Variants in ESRRB observed in about 807,000 individuals in gnomAD.
ESRRB encodes the protein estrogen related receptor beta.
Under a neutral mutation model 46.0 loss-of-function variants are expected in ESRRB, and 16 were observed. That is an observed-to-expected ratio of 0.35 (90% CI 0.24 to 0.53). The LOEUF (loss-of-function observed/expected upper bound fraction) is 0.53. Ranked by LOEUF, ESRRB falls within the 20% of genes least tolerant of loss-of-function variation. The probability of loss-of-function intolerance (pLI) is 0.93; values close to 1 mark genes in which losing one functional copy is unlikely to be tolerated. For missense variants in ESRRB, 488 were observed against 607.4 expected (o/e 0.80, Z 2.07); for synonymous variants, 246 against 259.6 (o/e 0.95, Z 0.50).
At chr14:76,415,899 CAG>C (rs1886677508) in intron 1 of ESRRB, among the ~76,000 whole-genome samples, 1 of 152,168 alleles carries the variant, frequency 6.6e-6, no homozygotes, top group East Asian at 1.9e-4. Context: ...ACCCAAAGCT[CAG>C]AGAGGATAAG....
At chr14:76,348,879 C>G (rs182134401) in intron 1 of ESRRB, among the ~76,000 whole-genome samples, 72 of 152,210 alleles carry the variant, frequency 4.7e-4, no homozygotes, top group East Asian at 1.2e-3. Flanking sequence ...CTTTCTCCCC[C>G]CAAGAACAGA....
At chr14:76,461,290 C>T (rs139888489) in intron 2 of ESRRB, among the ~76,000 whole-genome samples, 1,607 of 152,244 alleles carry the variant, frequency 0.011, 15 homozygotes, top group Non-Finnish European at 0.015. Context: ...TACTTATTTT[C>T]TCTTTCATGG....
chr14:76,390,970 T>C (rs1885444611), intron 1 of ESRRB, among the ~76,000 whole-genome samples: 2 of 152,220 alleles, frequency 1.3e-5, no homozygotes, highest in South Asian at 2.1e-4. Context: ...TGTGTGTGGC[T>C]GCAGCGGGGC....
chr14:76,334,151 G>T (rs548813894), intron 1 of ESRRB, among the ~76,000 whole-genome samples: 4 of 152,220 alleles, frequency 2.6e-5, no homozygotes, highest in African/African-American at 7.2e-5. Context: ...TCTGAAGGAC[G>T]AACAGTCCAG....
intron 1 of ESRRB, among the ~76,000 whole-genome samples, chr14:76,380,487 G>A (rs1219747159): frequency 6.6e-6 from 1 of 152,164 alleles, no homozygotes; most frequent in Non-Finnish European, 1.5e-5. Context: ...AAATTTAAGG[G>A]AAGAGATAGC....
chr14:76,498,231 G>C lies in ESRRB; in HGVS notation c.1138G>C (p.Asp380His), dbSNP rs765737772. 14 of 1,613,730 alleles carry C rather than the reference G, an allele frequency of 8.7e-6. No individual in the cohort carries two copies. Among genetic ancestry groups the C allele is most frequent in the Admixed American group, 6.7e-5 (4 of 60,004 alleles). ...GCCTGCAGATTCCATGTACATCGAG[G>C]ATCTAGAGGCTGTCCAGAAGCTGCA... ...LANSDSMYIE[D>H]LEAVQKLQDL... The change falls in exon 7 of 7, where the codon GAT becomes CAT. Residue 380 changes from aspartate to histidine, a missense_variant. Coordinates refer to ENST00000644823, the MANE Select transcript of ESRRB (RefSeq NM_001379180.1).
intron 1 of ESRRB, among the ~76,000 whole-genome samples, chr14:76,396,561 C>A (rs1269267589): frequency 2.0e-5 from 3 of 152,288 alleles, no homozygotes; most frequent in African/African-American, 2.4e-5. Flanking sequence ...ACTAATAAAC[C>A]TTTCTAAGAA....
At position 76,376,554 on chromosome 14, in the gene ESRRB, A is replaced by T; in HGVS notation, c.50+103A>T. ...CTGCACATTCTTGTGTAAAAGTGGAAGGGACTTCGGGGGGGCACTTGGGGG... is the reference window on the plus strand; with the variant it reads ...CTGCACATTCTTGTGTAAAAGTGGATGGGACTTCGGGGGGGCACTTGGGGG... On this transcript the variant is annotated intron_variant, in intron 1 of 6. Coordinates refer to ENST00000644823, the MANE Select transcript of ESRRB (RefSeq NM_001379180.1). The surrounding 1 kb of genome is among the most constrained non-coding windows in gnomAD (Gnocchi z 4.1). 4.6e-6 allele frequency: 4 copies of T among 862,614 alleles called. No individual in the cohort carries two copies. Among genetic ancestry groups the T allele is most frequent in the Non-Finnish European group, 6.1e-6 (4 of 655,128 alleles). 53.4% of individuals were successfully genotyped at this position (862,614 alleles called of 1,614,324 possible). A position where few individuals can be genotyped will look rare whatever the true frequency, so the allele number is the denominator to read the frequency against.
chr14:76,368,935 G>A (rs530120407), upstream of ESRRB, among the ~76,000 whole-genome samples: 28 of 152,194 alleles, frequency 1.8e-4, no homozygotes, highest in Non-Finnish European at 3.1e-4. Context: ...GGTGGCTCAC[G>A]CCTGTAATCC....
In ESRRB at chr14:76,482,149, C is replaced by A. The variant is rs1889832812; in HGVS notation, c.688+23C>A. 6.4e-7 allele frequency: 1 copy of A among 1,557,836 alleles called. No individual in the cohort carries two copies. The highest frequency in any genetic ancestry group is 8.9e-7 in the Non-Finnish European group (1 of 1,128,800). On this transcript the variant is annotated intron_variant, in intron 4 of 6. Coordinates refer to ENST00000644823, the MANE Select transcript of ESRRB (RefSeq NM_001379180.1). The surrounding 1 kb of genome is among the most constrained non-coding windows in gnomAD (Gnocchi z 4.3). ...CATGTGAGTGTCAGGGCAGTCCCTG[C>A]CCCTTTTGCCAGCATCTGTACCTGG...
chr14:76,370,438 C>T (rs776607068), upstream of ESRRB, among the ~76,000 whole-genome samples: 14 of 151,908 alleles, frequency 9.2e-5, no homozygotes, highest in Admixed American at 7.9e-4. Context: ...AGAAACTGAA[C>T]GATAATGTAA....
intron 1 of ESRRB, among the ~76,000 whole-genome samples, chr14:76,318,761 T>G (rs1444209381): frequency 1.3e-5 from 2 of 152,196 alleles, no homozygotes; most frequent in African/African-American, 4.8e-5. Flanking sequence ...GCTGTTATCA[T>G]CATTTTGCAG....
chr14:76,396,188 AAAAAC>A (rs985233782), intron 1 of ESRRB, among the ~76,000 whole-genome samples: 4 of 148,264 alleles, frequency 2.7e-5, no homozygotes, highest in Non-Finnish European at 4.6e-5. Flanking sequence ...AAACAAAAAC[AAAAAC>A]AAAAACAAAA....
At chr14:76,415,180 G>C (rs376929980) in intron 1 of ESRRB, among the ~76,000 whole-genome samples, 1 of 152,142 alleles carries the variant, frequency 6.6e-6, no homozygotes, top group Non-Finnish European at 1.5e-5. Flanking sequence ...TGTGTTCCAA[G>C]CTCAGTGGAG....
At chr14:76,483,850 GTTGT>G (rs922326443) in intron 5 of ESRRB, among the ~76,000 whole-genome samples, 10 of 152,210 alleles carry the variant, frequency 6.6e-5, no homozygotes, top group African/African-American at 2.4e-5. Context: ...AAGACCCACA[GTTGT>G]TTGTTTGTTT....
intron 1 of ESRRB, among the ~76,000 whole-genome samples, chr14:76,436,679 G>A (rs1887688938): frequency 1.3e-5 from 2 of 152,220 alleles, no homozygotes; most frequent in Non-Finnish European, 2.9e-5. Context: ...TGGCCTGCCA[G>A]GCTGATGGTC....
intron 6 of ESRRB, among the ~76,000 whole-genome samples, chr14:76,492,538 C>T (rs1595172864): frequency 6.6e-6 from 1 of 152,166 alleles, no homozygotes; most frequent in African/African-American, 2.4e-5. Context: ...CTTATTGTTG[C>T]AACCCCATTT....
intron 5 of ESRRB, among the ~76,000 whole-genome samples, chr14:76,484,327 A>T (rs911322786): frequency 2.0e-5 from 3 of 151,542 alleles, no homozygotes; most frequent in African/African-American, 7.3e-5. Context: ...CTGACCAGGG[A>T]TCTGGGCTGG....
At chr14:76,421,085 G>T (rs1462717881) in intron 1 of ESRRB, among the ~76,000 whole-genome samples, 1 of 152,170 alleles carries the variant, frequency 6.6e-6, no homozygotes, top group Non-Finnish European at 1.5e-5. Flanking sequence ...TAGTCTGTTT[G>T]GCCTGCCAGC....
Sources: gnomAD v4.1 joint callset for allele counts (sites outside exome capture counted in the v4.1 genomes callset) on GRCh38, gnomAD v4.1.1 for gene constraint, Gnocchi (gnomAD v3.1) non-coding constraint, MANE v1.5 for transcripts, NCBI Gene and HGNC (gene_info 2026-07-23, HGNC 2026-07-21) for gene names.